PLXDC2: variants seen among roughly 807,000 people sequenced by gnomAD.
PLXDC2 encodes the protein plexin domain-containing protein 2.
In PLXDC2, 40 loss-of-function variants were observed where a neutral mutation model predicts 68.9. The observed-to-expected ratio is 0.58, with a 90% CI of 0.45 to 0.76. The LOEUF (loss-of-function observed/expected upper bound fraction) is 0.76, where lower values mean the gene tolerates loss of function less well. Ranked by LOEUF, PLXDC2 falls within the 30% of genes least tolerant of loss-of-function variation. The probability of loss-of-function intolerance (pLI) is 0.00; values close to 1 mark genes in which losing one functional copy is unlikely to be tolerated. For missense variants in PLXDC2, 644 were observed against 661.9 expected, an observed-to-expected ratio of 0.97 and a Z score of 0.30; for synonymous variants, 243 against 234.2, an observed-to-expected ratio of 1.04 and a Z score of -0.34.
At chr10:19,996,742 T>G (rs541555025) in intron 1 of PLXDC2, among the ~76,000 whole-genome samples, 1 of 152,112 alleles carries the variant, frequency 6.6e-6, no homozygotes, top group African/African-American at 2.4e-5. Context: ...TTAATGGACT[T>G]ACAGTTCCAT....
intron 5 of PLXDC2, among the ~76,000 whole-genome samples, chr10:20,144,191 A>AT (rs1834043594): frequency 1.3e-5 from 2 of 152,160 alleles, no homozygotes; most frequent in Non-Finnish European, 2.9e-5. Flanking sequence ...TGTATTTATC[A>AT]TTCAAAAATG....
At chr10:20,179,706 A>G (rs1242253606) in intron 9 of PLXDC2, among the ~76,000 whole-genome samples, 2 of 152,134 alleles carry the variant, frequency 1.3e-5, no homozygotes, top group Non-Finnish European at 2.9e-5. Context: ...CATTCGAAAC[A>G]TATCTGCAAG....
At chr10:19,878,281 A>G (rs1290980225) in intron 1 of PLXDC2, among the ~76,000 whole-genome samples, 1 of 151,820 alleles carries the variant, frequency 6.6e-6, no homozygotes, top group Non-Finnish European at 1.5e-5. Flanking sequence ...AGCTCATTGC[A>G]GCCTCAAACT....
chr10:20,241,945 CATGG>C (rs1045702659), intron 12 of PLXDC2, among the ~76,000 whole-genome samples: 16 of 151,486 alleles, frequency 1.1e-4, no homozygotes, highest in Non-Finnish European at 2.4e-4. Flanking sequence ...TAGATGGATG[CATGG>C]ATGGATGGAT....
Position 19,817,022 on chromosome 10 carries a change from G to A in PLXDC2, c.-58G>A, listed in dbSNP as rs2131989304. Reference sequence around the variant, plus strand: ...GGCCCGGTCGTGCCTATTGCATCGGGAGCCCCCGAGCACCGGCGAAGGACT... The same window carrying A: ...GGCCCGGTCGTGCCTATTGCATCGGAAGCCCCCGAGCACCGGCGAAGGACT... On this transcript the variant is annotated 5_prime_UTR_variant, in exon 1 of 14. Transcript: ENST00000377252. The A allele has an allele frequency of 2.2e-6, 3 of 1,345,574 alleles. No individual in the cohort carries two copies. Among genetic ancestry groups the A allele is most frequent in the Non-Finnish European group, 2.1e-6 (2 of 970,458 alleles). The allele number at this position is 1,345,574 out of a possible 1,614,324, so 83.4% of individuals were successfully genotyped here.
intron 9 of PLXDC2, among the ~76,000 whole-genome samples, chr10:20,187,055 C>T (rs949757470): frequency 1.3e-5 from 2 of 151,662 alleles, no homozygotes; most frequent in African/African-American, 2.4e-5. Flanking sequence ...AGGAAGCATT[C>T]CTGAGTTATT....
chr10:19,919,968 C>A (rs548485368), intron 1 of PLXDC2, among the ~76,000 whole-genome samples: 4 of 152,328 alleles, frequency 2.6e-5, no homozygotes, highest in African/African-American at 7.2e-5. Context: ...GAAAAGAAAA[C>A]AAATGACAAC....
chr10:20,224,582 G>A (rs1564359396), intron 12 of PLXDC2, among the ~76,000 whole-genome samples: 1 of 152,144 alleles, frequency 6.6e-6, no homozygotes, highest in Non-Finnish European at 1.5e-5. Context: ...GAAGACATTT[G>A]CAAGTTGAAT....
chr10:19,916,636 A>G (rs1171091137), intron 1 of PLXDC2, among the ~76,000 whole-genome samples: 2 of 152,170 alleles, frequency 1.3e-5, no homozygotes, highest in African/African-American at 4.8e-5. Flanking sequence ...TATTATTATT[A>G]TCACCATTTA....
At chr10:20,169,360 T>C (rs75508277) in intron 7 of PLXDC2, among the ~76,000 whole-genome samples, 181 of 152,338 alleles carry the variant, frequency 1.2e-3, no homozygotes, top group African/African-American at 4.3e-3. Flanking sequence ...CGAAATGGTA[T>C]TTCATTGTTG....
intron 3 of PLXDC2, among the ~76,000 whole-genome samples, chr10:20,062,439 A>C (rs1836123636): frequency 6.6e-6 from 1 of 152,104 alleles, no homozygotes; most frequent in African/African-American, 2.4e-5. Context: ...TAAATAAATA[A>C]TAAAAAATAA....
At chr10:20,152,079 G>T (rs1474653423) in intron 6 of PLXDC2, among the ~76,000 whole-genome samples, 1 of 151,964 alleles carries the variant, frequency 6.6e-6, no homozygotes, top group Non-Finnish European at 1.5e-5. Context: ...ATTTAAATGT[G>T]CCAACCATGC....
chr10:20,275,198 A>ATT (rs149394527), intron 13 of PLXDC2, among the ~76,000 whole-genome samples: 1 of 151,544 alleles, frequency 6.6e-6, no homozygotes, highest in South Asian at 2.1e-4. Context: ...GAGGTTCAAT[A>ATT]TTTTTTTTTC....
At chr10:19,826,007 A>C (rs1296890416) in intron 1 of PLXDC2, among the ~76,000 whole-genome samples, 1 of 152,178 alleles carries the variant, frequency 6.6e-6, no homozygotes, top group East Asian at 1.9e-4. Flanking sequence ...CAATTCATTG[A>C]AAAATGTCTA....
intron 1 of PLXDC2, among the ~76,000 whole-genome samples, chr10:19,880,897 G>A (rs1837714295): frequency 6.6e-6 from 1 of 152,120 alleles, no homozygotes; most frequent in South Asian, 2.1e-4. Flanking sequence ...TTAGGAGTTT[G>A]CAAAACCTTT....
intron 1 of PLXDC2, among the ~76,000 whole-genome samples, chr10:19,890,542 G>GT (rs71388876): frequency 0.37 from 51,490 of 139,314 alleles, 9,940 homozygotes; most frequent in East Asian, 0.58. Flanking sequence ...CTGAGACGGG[G>GT]TTTTTTTTTT....
intron 1 of PLXDC2, among the ~76,000 whole-genome samples, chr10:19,900,226 T>A (rs941813042): frequency 1.3e-5 from 2 of 152,060 alleles, no homozygotes; most frequent in African/African-American, 4.8e-5. Flanking sequence ...AATATGAGAA[T>A]TAGAGAAAAT....
chr10:19,917,258 G>T (rs1479764788), intron 1 of PLXDC2, among the ~76,000 whole-genome samples: 1 of 151,940 alleles, frequency 6.6e-6, no homozygotes, highest in Non-Finnish European at 1.5e-5. Flanking sequence ...CACAGAGGCA[G>T]GATAGAACTG....
chr10:20,101,805 T>TTTA (rs10688826), intron 4 of PLXDC2, among the ~76,000 whole-genome samples: 1 of 151,472 alleles, frequency 6.6e-6, no homozygotes, highest in Non-Finnish European at 1.5e-5. Context: ...CTTTTTTTTT[T>TTTA]AATTGTTTTT....
Sources: allele counts gnomAD v4.1 joint callset (sites outside exome capture counted in the v4.1 genomes callset), GRCh38; gene constraint gnomAD v4.1.1; transcripts MANE v1.5; gene names NCBI Gene and HGNC (gene_info 2026-07-23, HGNC 2026-07-21).